The following SLC9A9 variants were observed in gnomAD, a reference collection of about 807,000 sequenced individuals.
SLC9A9 encodes solute carrier family 9 member A9.
SLC9A9 carries 62 observed loss-of-function variants against 77.8 expected under a neutral mutation model. That is an observed-to-expected ratio of 0.80 (90% CI 0.65 to 0.98). SLC9A9 has a LOEUF of 0.98. Among genes scored for constraint, SLC9A9 ranks in the 50% least tolerant of loss-of-function variants. The pLI is 0.00. For missense variants in SLC9A9, 775 were observed against 774.9 expected, an observed-to-expected ratio of 1.00 and a Z score of 0.00; for synonymous variants, 320 against 283.5, an observed-to-expected ratio of 1.13 and a Z score of -1.29.
chr3:143,579,491 A>G (rs926292737), intron 6 of SLC9A9, among the ~76,000 whole-genome samples: 5 of 152,210 alleles, frequency 3.3e-5, no homozygotes, highest in South Asian at 2.1e-4. Context: ...CAGAGTGTGA[A>G]TATGAAGGAT....
chr3:143,707,924 CA>C (rs1352860122), intron 4 of SLC9A9, among the ~76,000 whole-genome samples: 2 of 152,158 alleles, frequency 1.3e-5, no homozygotes, highest in Non-Finnish European at 2.9e-5. Context: ...CCATCTGCCT[CA>C]AACTTGTCAC....
At chr3:143,617,726 C>G (rs551400280) in intron 6 of SLC9A9, among the ~76,000 whole-genome samples, 1 of 152,312 alleles carries the variant, frequency 6.6e-6, no homozygotes, top group South Asian at 2.1e-4. Context: ...CCTTCCCACT[C>G]TCTCCCAGCC....
rs116693494 is a variant in SLC9A9, at chr3:143,470,126, G to A, written c.1316-2936C>T. 2.8e-3 allele frequency among the ~76,000 whole-genome samples: 431 copies of A among 152,248 alleles called. 3 individuals carry two copies. Among genetic ancestry groups the A allele is most frequent in the African/African-American group, 9.9e-3 (413 of 41,538 alleles). Reference sequence around the variant, plus strand: ...CTGTATCTGAGGAGAGAATTTATAGGTCATGGTAAAGCTTCTAGCAGTGTT... The same window carrying A: ...CTGTATCTGAGGAGAGAATTTATAGATCATGGTAAAGCTTCTAGCAGTGTT... On this transcript the variant is annotated intron_variant, in intron 11 of 15. Coordinates refer to ENST00000316549, the MANE Select transcript of SLC9A9 (RefSeq NM_173653.4).
chr3:143,353,481 G>A (rs867399468), intron 14 of SLC9A9, among the ~76,000 whole-genome samples: 1 of 152,184 alleles, frequency 6.6e-6, no homozygotes, highest in Non-Finnish European at 1.5e-5. Context: ...ATCAGGAAAC[G>A]GGTCCTCACC....
At chr3:143,748,931 C>T (rs1400057401) in intron 4 of SLC9A9, among the ~76,000 whole-genome samples, 1 of 151,460 alleles carries the variant, frequency 6.6e-6, no homozygotes, top group Non-Finnish European at 1.5e-5. Flanking sequence ...TCTCGATCTC[C>T]TGACTTCATG....
At chr3:143,800,432 T>G (rs758594246) in intron 2 of SLC9A9, among the ~76,000 whole-genome samples, 3 of 152,210 alleles carry the variant, frequency 2.0e-5, no homozygotes, top group African/African-American at 4.8e-5. Flanking sequence ...ATCTGCGCCT[T>G]ATGAACCAAA....
chr3:143,823,906 TA>T (rs145120666), intron 2 of SLC9A9, among the ~76,000 whole-genome samples: 6,947 of 152,218 alleles, frequency 0.046, 232 homozygotes, highest in African/African-American at 0.092. Context: ...CTCATCCTTT[TA>T]AAAAATTCTA....
At chr3:143,270,075 G>A (rs963906168) in intron 14 of SLC9A9, among the ~76,000 whole-genome samples, 1 of 152,324 alleles carries the variant, frequency 6.6e-6, no homozygotes, top group South Asian at 2.1e-4. Context: ...ACGAAGCCTT[G>A]TTATGATGCG....
intron 5 of SLC9A9, among the ~76,000 whole-genome samples, chr3:143,670,885 A>G (rs993412070): frequency 3.3e-5 from 5 of 152,172 alleles, no homozygotes; most frequent in African/African-American, 1.2e-4. Flanking sequence ...GTTAAATAAA[A>G]TCAATTATAA....
At chr3:143,635,161 T>C (rs2038497749) in intron 6 of SLC9A9, among the ~76,000 whole-genome samples, 1 of 152,212 alleles carries the variant, frequency 6.6e-6, no homozygotes, top group Non-Finnish European at 1.5e-5. Context: ...ACTTCAAAGA[T>C]GGATCGCCCA....
At position 143,266,632 on chromosome 3, in the gene SLC9A9, C is replaced by G; in HGVS notation, c.*70G>C. On this transcript the variant is annotated 3_prime_UTR_variant, in exon 16 of 16. Transcript: ENST00000316549. ...TTCCAGCCTCTCCCCTGTACTGCCTCATCAGCTTGGCTTGTATTCCTCAGT... is the reference window on the plus strand; with the variant it reads ...TTCCAGCCTCTCCCCTGTACTGCCTGATCAGCTTGGCTTGTATTCCTCAGT... The G allele has an allele frequency of 1.3e-6, 2 of 1,504,810 alleles. No homozygotes were observed. The highest frequency in any genetic ancestry group is 1.8e-6 in the Non-Finnish European group (2 of 1,084,256). 93.2% of individuals were successfully genotyped at this position (1,504,810 alleles called of 1,614,324 possible). A position where few individuals can be genotyped will look rare whatever the true frequency, so the allele number is the denominator to read the frequency against.
intron 14 of SLC9A9, among the ~76,000 whole-genome samples, chr3:143,351,618 G>C (rs775129330): frequency 7.9e-5 from 12 of 152,194 alleles, no homozygotes; most frequent in Non-Finnish European, 1.6e-4. Context: ...AGAAGCCAAA[G>C]ATTGAGGTGG....
At chr3:143,388,055 T>C (rs960488599) in intron 12 of SLC9A9, among the ~76,000 whole-genome samples, 1 of 152,278 alleles carries the variant, frequency 6.6e-6, no homozygotes, top group African/African-American at 2.4e-5. Context: ...CTGCTTTTGA[T>C]GGCAAAGTGT....
At chr3:143,519,067 G>A (rs961203077) in intron 9 of SLC9A9, among the ~76,000 whole-genome samples, 1 of 152,208 alleles carries the variant, frequency 6.6e-6, no homozygotes, top group Non-Finnish European at 1.5e-5. Flanking sequence ...TACTGTTGTA[G>A]GTGCTGGAGA....
intron 12 of SLC9A9, among the ~76,000 whole-genome samples, chr3:143,385,970 C>A (rs1384029185): frequency 6.6e-6 from 1 of 152,172 alleles, no homozygotes; most frequent in African/African-American, 2.4e-5. Flanking sequence ...CCCCTCCCTC[C>A]AAACTCCAGG....
In SLC9A9 at chr3:143,328,511, CCTAA is replaced by C. The variant is rs2031669456; in HGVS notation, c.1604+34969_1604+34972del. ...GATGTAACACTGAAGCCTGGATAACCCTAACTGTGTTTGACACATTCCGTTCTCC... is the reference window on the plus strand; with the variant it reads ...GATGTAACACTGAAGCCTGGATAACCCTGTGTTTGACACATTCCGTTCTCC... On this transcript the variant is annotated intron_variant, in intron 14 of 15. Coordinates refer to ENST00000316549, the MANE Select transcript of SLC9A9 (RefSeq NM_173653.4). Among the ~76,000 whole-genome samples, 3 of 152,110 alleles carry C rather than the reference CCTAA, an allele frequency of 2.0e-5. No homozygotes were observed. The South Asian group carries it at 6.2e-4, about 32-fold the overall frequency.
At chr3:143,350,339 T>C (rs749807874) in intron 14 of SLC9A9, among the ~76,000 whole-genome samples, 1 of 152,224 alleles carries the variant, frequency 6.6e-6, no homozygotes, top group Non-Finnish European at 1.5e-5. Context: ...TAATCACTGC[T>C]GTTAGCTCTT....
intron 9 of SLC9A9, among the ~76,000 whole-genome samples, chr3:143,536,255 C>A (rs961189635): frequency 6.6e-6 from 1 of 152,166 alleles, no homozygotes; most frequent in Non-Finnish European, 1.5e-5. Flanking sequence ...AAGAACTGGA[C>A]TTGGAATCAG....
At chr3:143,571,639 T>A (rs557607374) in intron 8 of SLC9A9, among the ~76,000 whole-genome samples, 102 of 144,096 alleles carry the variant, frequency 7.1e-4, no homozygotes, top group Admixed American at 1.7e-3. Flanking sequence ...TAAAAAAAAA[T>A]AATGCTGTAT....
Sources: gnomAD v4.1 joint callset for allele counts (sites outside exome capture counted in the v4.1 genomes callset) on GRCh38, gnomAD v4.1.1 for gene constraint, MANE v1.5 for transcripts, NCBI Gene and HGNC (gene_info 2026-07-23, HGNC 2026-07-21) for gene names.